Variants in SHISA6 observed in about 807,000 individuals in gnomAD.
SHISA6 encodes the protein shisa family member 6, also known as protein shisa-6.
SHISA6 carries 22 observed loss-of-function variants against 47.9 expected under a neutral mutation model. That is an observed-to-expected ratio of 0.46 (90% confidence interval 0.33 to 0.66). SHISA6 has a LOEUF of 0.66. SHISA6 is among the 30% of genes least tolerant of loss of function. SHISA6 has a pLI of 0.02. For missense variants in SHISA6, 680 were observed against 764.6 expected, an observed-to-expected ratio of 0.89 and a Z score of 1.30; for synonymous variants, 388 against 337.8, an observed-to-expected ratio of 1.15 and a Z score of -1.63.
intron 3 of SHISA6, among the ~76,000 whole-genome samples, chr17:11,501,137 A>C (rs996839585): frequency 6.9e-6 from 1 of 145,634 alleles, no homozygotes; most frequent in African/African-American, 2.6e-5. Context: ...TTTGAGATGG[A>C]GTTTTGCTCT....
intron 3 of SHISA6, among the ~76,000 whole-genome samples, chr17:11,485,345 C>T (rs1206389378): frequency 6.6e-6 from 1 of 152,034 alleles, no homozygotes; most frequent in Non-Finnish European, 1.5e-5. Context: ...TTCTCTCTGC[C>T]AAGAAGCCAA....
chr17:11,427,388 C>G (rs906241953), intron 3 of SHISA6, among the ~76,000 whole-genome samples: 3 of 152,192 alleles, frequency 2.0e-5, no homozygotes, highest in African/African-American at 7.2e-5. Flanking sequence ...CCATCTTGGC[C>G]TCCCAAAGTG....
rs943963805 is a variant in SHISA6, at chr17:11,384,838, G to A, written c.895+5329G>A. Among the ~76,000 whole-genome samples the A allele has an allele frequency of 3.9e-5, 6 of 152,320 alleles. No individual in the cohort carries two copies. In the East Asian group the frequency reaches 7.7e-4, roughly 20 times the overall value. ...AGGGTGGGAGTTAGAGAGAGAGAGA[G>A]GAAGAAAGACCAAGGGAGAGAGAAA... On this transcript the variant is annotated intron_variant, in intron 3 of 5. Coordinates refer to ENST00000441885, the MANE Select transcript of SHISA6 (RefSeq NM_207386.4).
intron 3 of SHISA6, among the ~76,000 whole-genome samples, chr17:11,454,326 C>T (rs1915478549): frequency 6.6e-6 from 1 of 152,168 alleles, no homozygotes; most frequent in Admixed American, 6.5e-5. Context: ...AGCTACTGTT[C>T]ATCCTCTCTG....
At chr17:11,330,235 G>C (rs146122297) in intron 2 of SHISA6, among the ~76,000 whole-genome samples, 54 of 152,230 alleles carry the variant, frequency 3.5e-4, no homozygotes, top group African/African-American at 1.1e-3. Context: ...TGGTCACGTG[G>C]TTGCCACCAG....
intron 3 of SHISA6, among the ~76,000 whole-genome samples, chr17:11,468,836 C>A (rs1915868899): frequency 6.6e-6 from 1 of 151,826 alleles, no homozygotes. Context: ...GCCTGGCCAA[C>A]ATGGTGTAAC....
At chr17:11,366,622 G>A (rs1912459886) in intron 2 of SHISA6, among the ~76,000 whole-genome samples, 1 of 152,238 alleles carries the variant, frequency 6.6e-6, no homozygotes, top group Non-Finnish European at 1.5e-5. Context: ...CAGGTCAGAT[G>A]AGGGATGGTG....
At chr17:11,384,025 C>A (rs73975383) in intron 3 of SHISA6, among the ~76,000 whole-genome samples, 2 of 150,450 alleles carry the variant, frequency 1.3e-5, no homozygotes, top group South Asian at 4.2e-4. Context: ...TACATACATA[C>A]ATAAATACAT....
intron 3 of SHISA6, among the ~76,000 whole-genome samples, chr17:11,405,721 A>G (rs938628787): frequency 6.6e-6 from 1 of 152,100 alleles, no homozygotes; most frequent in Non-Finnish European, 1.5e-5. Flanking sequence ...GAATCGCTTT[A>G]ACTCAGGAGA....
chr17:11,275,970 G>GT (rs1458232014), intron 2 of SHISA6, among the ~76,000 whole-genome samples: 2 of 150,868 alleles, frequency 1.3e-5, no homozygotes, highest in Middle Eastern at 6.3e-3. Flanking sequence ...ACTAGATTCT[G>GT]TTTTTTGTTT....
At chr17:11,470,719 G>C (rs1386301611) in intron 3 of SHISA6, among the ~76,000 whole-genome samples, 1 of 151,070 alleles carries the variant, frequency 6.6e-6, no homozygotes, top group African/African-American at 2.4e-5. Flanking sequence ...GAGGAGGGGT[G>C]GGGGTGGGGA....
At chr17:11,332,062 C>T (rs1911139440) in intron 2 of SHISA6, among the ~76,000 whole-genome samples, 1 of 141,652 alleles carries the variant, frequency 7.1e-6, no homozygotes, top group Non-Finnish European at 1.5e-5. Flanking sequence ...CCCTCTCTCT[C>T]TAAAGCACAC....
chr17:11,278,445 G>A (rs190122027), intron 2 of SHISA6, among the ~76,000 whole-genome samples: 113 of 152,280 alleles, frequency 7.4e-4, no homozygotes, highest in African/African-American at 1.9e-3. Flanking sequence ...GTGTCTCCTC[G>A]CCCATATGTG....
At chr17:11,391,953 A>G (rs1597490162) in intron 3 of SHISA6, among the ~76,000 whole-genome samples, 1 of 152,168 alleles carries the variant, frequency 6.6e-6, no homozygotes, top group African/African-American at 2.4e-5. Context: ...TTTACCAGTA[A>G]TAAGACCCTC....
chr17:11,452,671 CT>C, intron 3 of SHISA6, among the ~76,000 whole-genome samples: 1 of 18,836 alleles, frequency 5.3e-5, no homozygotes, highest in African/African-American at 5.1e-4. Flanking sequence ...TCCTCCCCTC[CT>C]TCTCCTCTTC....
chr17:11,309,140 A>C (rs1174523011), intron 2 of SHISA6, among the ~76,000 whole-genome samples: 1 of 151,988 alleles, frequency 6.6e-6, no homozygotes, highest in East Asian at 1.9e-4. Flanking sequence ...AATTTAAAAA[A>C]TGATTTTAGA....
intron 3 of SHISA6, among the ~76,000 whole-genome samples, chr17:11,488,853 C>T (rs1015563113): frequency 2.5e-4 from 38 of 152,170 alleles, no homozygotes; most frequent in African/African-American, 9.2e-4. Flanking sequence ...ACTTCTGAAG[C>T]CACATGGCCA....
At chr17:11,275,628 G>T (rs1249102372) in intron 2 of SHISA6, among the ~76,000 whole-genome samples, 1 of 152,166 alleles carries the variant, frequency 6.6e-6, no homozygotes, top group Non-Finnish European at 1.5e-5. Context: ...AAAGTAGGAA[G>T]TGATGAGAAG....
chr17:11,484,945 G>T (rs1368555169), intron 3 of SHISA6, among the ~76,000 whole-genome samples: 1 of 152,070 alleles, frequency 6.6e-6, no homozygotes, highest in Admixed American at 6.6e-5. Context: ...TAATAACGTG[G>T]CTTTTCCAAT....
Sources: allele counts gnomAD v4.1 joint callset (sites outside exome capture counted in the v4.1 genomes callset), GRCh38; gene constraint gnomAD v4.1.1; transcripts MANE v1.5; gene names NCBI Gene and HGNC (gene_info 2026-07-23, HGNC 2026-07-21).